Variants in ANKRD13A observed in about 807,000 individuals in gnomAD.
ANKRD13A encodes ankyrin repeat domain 13A, also known as ankyrin repeat domain-containing protein 13A.
In ANKRD13A, 48 loss-of-function variants were observed where a neutral mutation model predicts 81.3. The ratio of observed to expected loss-of-function variants is 0.59; its 90% CI spans 0.47 to 0.75. The LOEUF is 0.75. Among genes scored for constraint, ANKRD13A ranks in the 30% least tolerant of loss-of-function variants. ANKRD13A has a pLI of 0.00. For missense variants in ANKRD13A, 612 were observed against 734.0 expected, an observed-to-expected ratio of 0.83 and a Z score of 1.92; for synonymous variants, 230 against 270.1, an observed-to-expected ratio of 0.85 and a Z score of 1.45.
chr12:109,999,925 A>T lies in ANKRD13A; in HGVS notation c.96+141A>T. On this transcript the variant is annotated intron_variant, in intron 1 of 14. Transcript: ENST00000261739. This position sits in a 1 kb window ranked among gnomAD's most constrained non-coding sequence, Gnocchi z 4.3. ...ACTTTGCAGGTGTGGGACAGTCCTA[A>T]TAATAGGACACGTATCGAGTGCTTA... The T allele has an allele frequency of 3.2e-6, 2 of 624,518 alleles. No homozygotes were observed. Among genetic ancestry groups the T allele is most frequent in the Non-Finnish European group, 5.1e-6 (2 of 394,306 alleles). 38.7% of individuals were successfully genotyped at this position (624,518 alleles called of 1,614,324 possible).
At chr12:110,008,096 G>A (rs749843836) in intron 1 of ANKRD13A, among the ~76,000 whole-genome samples, 3 of 152,222 alleles carry the variant, frequency 2.0e-5, no homozygotes, top group Admixed American at 6.5e-5. Context: ...GAAACATCCA[G>A]TCTTTCACCA....
At chr12:110,025,355 C>CAA (rs1039859014) in intron 7 of ANKRD13A, among the ~76,000 whole-genome samples, 12 of 65,414 alleles carry the variant, frequency 1.8e-4, no homozygotes, top group Non-Finnish European at 2.2e-4. Context: ...GACTCTGTCT[C>CAA]AAAAAAAAAA....
At chr12:110,025,708 T>C in intron 7 of ANKRD13A, 34 bp from the exon 8 acceptor site, 3 of 1,537,956 alleles carry the variant, frequency 2.0e-6, no homozygotes, top group Non-Finnish European at 2.7e-6. Flanking sequence ...TTTGATTCCC[T>C]GTGTCACTGT....
intron 10 of ANKRD13A, 200 bp from the exon 11 acceptor site, chr12:110,029,278 C>A: frequency 2.1e-6 from 1 of 475,606 alleles, no homozygotes; most frequent in Non-Finnish European, 3.7e-6. Flanking sequence ...TCATGCAGGT[C>A]GCTTGCCTTT....
intron 1 of ANKRD13A, among the ~76,000 whole-genome samples, chr12:110,009,170 CTTCCGGG>C (rs1890383703): frequency 6.6e-6 from 1 of 152,200 alleles, no homozygotes; most frequent in African/African-American, 2.4e-5. Flanking sequence ...CAACCTCCGC[CTTCCGGG>C]TTCAAGCAAT....
intron 4 of ANKRD13A, among the ~76,000 whole-genome samples, chr12:110,016,901 T>G (rs1277104572): frequency 1.3e-5 from 2 of 152,108 alleles, no homozygotes; most frequent in African/African-American, 4.8e-5. Flanking sequence ...GCTTCCTGAG[T>G]AGCTGGGATT....
intron 8 of ANKRD13A, among the ~76,000 whole-genome samples, chr12:110,026,653 G>A (rs1290213692): frequency 6.6e-6 from 1 of 152,054 alleles, no homozygotes; most frequent in Non-Finnish European, 1.5e-5. Flanking sequence ...AGGCCAAGGT[G>A]GGCAGATCAC....
intron 1 of ANKRD13A, among the ~76,000 whole-genome samples, chr12:110,004,571 C>T (rs1890148293): frequency 6.6e-6 from 1 of 151,954 alleles, no homozygotes; most frequent in Non-Finnish European, 1.5e-5. Flanking sequence ...GCCAAGATCT[C>T]GGTGAGCTAA....
chr12:109,999,452 A>C lies in ANKRD13A; in HGVS notation c.-237A>C, dbSNP rs1166183980. 8.6e-6 allele frequency: 2 copies of C among 233,846 alleles called. No homozygotes were observed. Among genetic ancestry groups the C allele is most frequent in the East Asian group, 1.8e-4 (2 of 10,978 alleles). 14.5% of individuals were successfully genotyped at this position (233,846 alleles called of 1,614,324 possible). A position where few individuals can be genotyped will look rare whatever the true frequency, so the allele number is the denominator to read the frequency against. On this transcript the variant is annotated 5_prime_UTR_variant, in exon 1 of 15. Transcript: ENST00000261739. This position sits in a 1 kb window ranked among gnomAD's most constrained non-coding sequence, Gnocchi z 4.3. ...CGCAGAAGTCTGTCCGCGAGCTGTC[A>C]GCGCGGGCGGGAACGCCGCGGGGCG...
chr12:110,005,476 G>C (rs1276512016), intron 1 of ANKRD13A, among the ~76,000 whole-genome samples: 1 of 152,140 alleles, frequency 6.6e-6, no homozygotes, highest in Admixed American at 6.5e-5. Context: ...ACCTGTAGTA[G>C]TCACTCCTCA....
At chr12:110,022,269 GA>G (rs1335029599) in intron 6 of ANKRD13A, 1 of 152,146 alleles carries the variant, frequency 6.6e-6, no homozygotes, top group African/African-American at 2.4e-5. Flanking sequence ...CTAACACGGT[GA>G]AACCCCATAT....
At position 110,037,721 on chromosome 12, in the gene ANKRD13A, C is replaced by A; in HGVS notation, c.*167C>A. 1 of 632,850 alleles carries A rather than the reference C, an allele frequency of 1.6e-6. No homozygotes were observed. Among genetic ancestry groups the A allele is most frequent in the Non-Finnish European group, 2.6e-6 (1 of 384,172 alleles). 39.2% of individuals were successfully genotyped at this position (632,850 alleles called of 1,614,324 possible). On this transcript the variant is annotated 3_prime_UTR_variant, in exon 15 of 15. Transcript: ENST00000261739. ...CAGAACCAGGGACTCCTGGGCCCAT[C>A]CAGGCTGCTCCCTGGGGTGGAGAAG...
intron 12 of ANKRD13A, 109 bp downstream of exon 12, chr12:110,030,867 G>T: frequency 2.0e-6 from 1 of 488,844 alleles, no homozygotes; most frequent in Non-Finnish European, 3.3e-6. Flanking sequence ...GGCCGAGGTG[G>T]GTGGATCACC....
chr12:110,011,264 G>C (rs970559411), intron 1 of ANKRD13A, among the ~76,000 whole-genome samples: 4 of 152,220 alleles, frequency 2.6e-5, no homozygotes, highest in Non-Finnish European at 1.5e-5. Flanking sequence ...CGCGGTGCAG[G>C]TGCCAAAAGG....
At chr12:110,021,109 G>A (rs1360972985) in intron 6 of ANKRD13A, 1 of 456,848 alleles carries the variant, frequency 2.2e-6, no homozygotes, top group East Asian at 7.0e-5. Flanking sequence ...TGCCCACAGG[G>A]TTTTCAGAGT....
Position 110,025,771 on chromosome 12 carries a change from C to T in ANKRD13A, c.831C>T (p.Ile277=). The change falls in exon 8 of 15, where the codon ATC becomes ATT. Residue 277 remains isoleucine (I), a synonymous_variant. Transcript: ENST00000261739. The part of the protein sequence containing the change: ...KVYTVNNVNV[I]TKIRTEHLTE... ...ACACAGTAAACAATGTGAATGTGATCACCAAAATACGCACAGAACATCTGA... is the reference window on the plus strand; with the variant it reads ...ACACAGTAAACAATGTGAATGTGATTACCAAAATACGCACAGAACATCTGA... 6.2e-7 allele frequency: 1 copy of T among 1,613,576 alleles called. No individual in the cohort carries two copies. The highest frequency in any genetic ancestry group is 8.5e-7 in the Non-Finnish European group (1 of 1,179,844).
At chr12:110,019,451 A>G (rs1385863240) in intron 6 of ANKRD13A, 123 bp downstream of exon 6, 7 of 931,886 alleles carry the variant, frequency 7.5e-6, no homozygotes, top group Non-Finnish European at 1.1e-5. Flanking sequence ...AATAAACACT[A>G]GTGGGTTTTA....
chr12:110,011,984 A>G (rs200762511), intron 1 of ANKRD13A, 21 bp from the exon 2 acceptor site: 95 of 1,576,594 alleles, frequency 6.0e-5, no homozygotes, highest in Non-Finnish European at 7.9e-5. Flanking sequence ...AATTATGTAA[A>G]TGCCAGTGTT....
At chr12:110,023,791 A>G in intron 6 of ANKRD13A, 1 of 399,176 alleles carries the variant, frequency 2.5e-6, no homozygotes, top group Non-Finnish European at 4.5e-6. Context: ...CAATGCTGGC[A>G]GTTTTGTAAA....
Sources: allele counts gnomAD v4.1 joint callset (sites outside exome capture counted in the v4.1 genomes callset), GRCh38; gene constraint gnomAD v4.1.1; non-coding constraint Gnocchi (gnomAD v3.1); transcripts MANE v1.5; gene names NCBI Gene and HGNC (gene_info 2026-07-23, HGNC 2026-07-21).